The following XKR4 variants were observed in gnomAD, a reference collection of about 807,000 sequenced individuals.
XKR4 encodes XK related 4, also known as XK-related protein 4.
In XKR4, 12 loss-of-function variants were observed where a neutral mutation model predicts 53.9. That is an observed-to-expected ratio of 0.22 (90% CI 0.14 to 0.36). XKR4 has a LOEUF of 0.36. Ranked by LOEUF, XKR4 falls within the 10% of genes least tolerant of loss-of-function variation. The pLI, the probability that XKR4 is intolerant of heterozygous loss-of-function variation, is 1.00. For synonymous variants in XKR4, 354 were observed against 362.4 expected, an observed-to-expected ratio of 0.98 and a Z score of 0.26; for missense variants, 799 against 859.5, an observed-to-expected ratio of 0.93 and a Z score of 0.88.
At chr8:55,422,046 A>G (rs1157699372) in intron 2 of XKR4, among the ~76,000 whole-genome samples, 3 of 152,226 alleles carry the variant, frequency 2.0e-5, no homozygotes, top group African/African-American at 7.2e-5. Context: ...AAGAATAACT[A>G]TGGCCTATAT....
In XKR4 at chr8:55,538,473, C is replaced by T. The variant is rs1062944; in HGVS notation, c.*14246C>T. ...CAGAGAATACAATGGTTCTTCATCA[C>T]TATATAAAACTAACACTTTTCCTTC... On this transcript the variant is annotated 3_prime_UTR_variant, in exon 3 of 3. Transcript: ENST00000327381. The T allele has an allele frequency of 0.24, 36,346 of 152,128 alleles. 5,057 individuals carry two copies. Among genetic ancestry groups the T allele is most frequent in the Non-Finnish European group, 0.31 (21,300 of 67,990 alleles). The allele number at this position is 152,128 out of a possible 1,614,324, so 9.4% of individuals were successfully genotyped here.
chr8:55,439,927 C>T (rs2129394717), intron 2 of XKR4, among the ~76,000 whole-genome samples: 1 of 152,236 alleles, frequency 6.6e-6, no homozygotes, highest in African/African-American at 2.4e-5. Context: ...TAGCGTGAAG[C>T]TGCAGGACGC....
chr8:55,171,483 G>C (rs920577452), intron 1 of XKR4, among the ~76,000 whole-genome samples: 1 of 152,158 alleles, frequency 6.6e-6, no homozygotes, highest in African/African-American at 2.4e-5. Flanking sequence ...ATACGTCTCC[G>C]TGTCATTTTA....
chr8:55,353,758 A>G (rs1294094403), intron 1 of XKR4, among the ~76,000 whole-genome samples: 1 of 152,230 alleles, frequency 6.6e-6, no homozygotes, highest in African/African-American at 2.4e-5. Flanking sequence ...TAAGCATGTG[A>G]ACAGCCATGG....
chr8:55,235,118 C>T (rs139441543), intron 1 of XKR4, among the ~76,000 whole-genome samples: 1 of 152,280 alleles, frequency 6.6e-6, no homozygotes, highest in Non-Finnish European at 1.5e-5. Flanking sequence ...ATGCTTTGCT[C>T]CCACCTTCTA....
At chr8:55,394,159 C>A (rs1356392098) in intron 2 of XKR4, among the ~76,000 whole-genome samples, 1 of 152,116 alleles carries the variant, frequency 6.6e-6, no homozygotes, top group Non-Finnish European at 1.5e-5. Context: ...AAAACCAAAC[C>A]AATTTTTACA....
chr8:55,475,036 C>T (rs1020750072), intron 2 of XKR4, among the ~76,000 whole-genome samples: 3 of 152,070 alleles, frequency 2.0e-5, no homozygotes, highest in African/African-American at 7.3e-5. Flanking sequence ...ACATGTTATA[C>T]AACTAAAAAC....
intron 2 of XKR4, among the ~76,000 whole-genome samples, chr8:55,404,862 T>G: frequency 6.6e-6 from 1 of 152,166 alleles, no homozygotes; most frequent in East Asian, 1.9e-4. Context: ...CAAAGTGTGT[T>G]TGGATTCCAC....
At chr8:55,346,495 T>G (rs561873676) in intron 1 of XKR4, among the ~76,000 whole-genome samples, 5 of 152,182 alleles carry the variant, frequency 3.3e-5, no homozygotes, top group African/African-American at 4.8e-5. Context: ...TGTTCTACCA[T>G]AGAATGTAGG....
At chr8:55,375,750 G>A (rs1804135903) in intron 2 of XKR4, among the ~76,000 whole-genome samples, 1 of 151,084 alleles carries the variant, frequency 6.6e-6, no homozygotes, top group African/African-American at 2.4e-5. Flanking sequence ...TAAGTTCCAG[G>A]GTACACGTGC....
At chr8:55,359,953 G>A (rs578049070) in intron 2 of XKR4, among the ~76,000 whole-genome samples, 17 of 152,160 alleles carry the variant, frequency 1.1e-4, no homozygotes, top group African/African-American at 3.6e-4. Flanking sequence ...ACACATATAC[G>A]TCAGGTGTAC....
At chr8:55,273,055 C>T (rs777298858) in intron 1 of XKR4, 13 of 356,258 alleles carry the variant, frequency 3.6e-5, no homozygotes, top group Non-Finnish European at 7.1e-5. Context: ...TGGAAGAAAA[C>T]ATTACAAGAT....
At chr8:55,231,936 C>G (rs1296265106) in intron 1 of XKR4, among the ~76,000 whole-genome samples, 1 of 152,142 alleles carries the variant, frequency 6.6e-6, no homozygotes, top group Non-Finnish European at 1.5e-5. Flanking sequence ...GTGCACATTT[C>G]CCACCTGAGG....
chr8:55,295,420 C>T (rs1363206330), intron 1 of XKR4, among the ~76,000 whole-genome samples: 1 of 152,038 alleles, frequency 6.6e-6, no homozygotes, highest in African/African-American at 2.4e-5. Flanking sequence ...AGAGGTATTC[C>T]ACAGTGAAGA....
chr8:55,202,362 G>A (rs908072617), intron 1 of XKR4, among the ~76,000 whole-genome samples: 33 of 152,316 alleles, frequency 2.2e-4, no homozygotes, highest in African/African-American at 6.3e-4. Flanking sequence ...TAAAAAGGGC[G>A]AAGCAACGTA....
intron 1 of XKR4, among the ~76,000 whole-genome samples, chr8:55,115,635 T>G (rs959090560): frequency 3.3e-5 from 5 of 151,492 alleles, no homozygotes; most frequent in Non-Finnish European, 7.4e-5. Flanking sequence ...ATACAAGAAT[T>G]AGCTGGGCAT....
intron 1 of XKR4, among the ~76,000 whole-genome samples, chr8:55,161,007 G>A (rs896018636): frequency 9.9e-5 from 15 of 152,178 alleles, no homozygotes; most frequent in Non-Finnish European, 2.1e-4. Context: ...GGAGACATTG[G>A]TGATTGTTGA....
intron 2 of XKR4, among the ~76,000 whole-genome samples, chr8:55,490,512 C>T (rs1055193090): frequency 1.3e-5 from 2 of 152,032 alleles, no homozygotes; most frequent in African/African-American, 2.4e-5. Context: ...TTCAGCATCA[C>T]GCAATATACC....
intron 1 of XKR4, among the ~76,000 whole-genome samples, chr8:55,123,760 C>T (rs1370550905): frequency 1.3e-5 from 2 of 152,216 alleles, no homozygotes; most frequent in East Asian, 1.9e-4. Flanking sequence ...CACCCCCGCA[C>T]CTCCAAGTGA....
Sources: allele counts gnomAD v4.1 joint callset (sites outside exome capture counted in the v4.1 genomes callset), GRCh38; gene constraint gnomAD v4.1.1; transcripts MANE v1.5; gene names NCBI Gene and HGNC (gene_info 2026-07-23, HGNC 2026-07-21).